SEL1L2: variants seen among roughly 807,000 people sequenced by gnomAD.
SEL1L2 encodes SEL1L2 adaptor subunit of SYVN1 ubiquitin ligase.
A neutral mutation model predicts 98.8 loss-of-function variants in SEL1L2; 89 were observed. The observed-to-expected ratio is 0.90, with a 90% CI of 0.76 to 1.07. The LOEUF is 1.07. Ranked by LOEUF, SEL1L2 falls within the 50% of genes least tolerant of loss-of-function variation. SEL1L2 has a pLI of 0.00. For missense variants in SEL1L2, 788 were observed against 812.0 expected (o/e 0.97, Z 0.36); for synonymous variants, 262 against 278.5 (o/e 0.94, Z 0.59).
intron 2 of SEL1L2, among the ~76,000 whole-genome samples, chr20:13,935,898 G>C (rs2049428933): frequency 6.6e-6 from 1 of 152,100 alleles, no homozygotes; most frequent in South Asian, 2.1e-4. Flanking sequence ...AGGGGGAAAT[G>C]GTGATAGTGG....
chr20:13,945,405 G>A (rs572011051), intron 2 of SEL1L2, among the ~76,000 whole-genome samples: 9 of 151,672 alleles, frequency 5.9e-5, no homozygotes, highest in Non-Finnish European at 1.2e-4. Flanking sequence ...GTGTGTGTAT[G>A]TTTCTCTCTC....
At chr20:13,931,519 A>G (rs1039297931) in intron 3 of SEL1L2, 84 bp downstream of exon 3, 6 of 835,694 alleles carry the variant, frequency 7.2e-6, no homozygotes, top group South Asian at 2.7e-5. Flanking sequence ...ATATCCTAAG[A>G]CTTCTCAGAA....
chr20:13,936,888 C>T (rs1297989233), intron 2 of SEL1L2, among the ~76,000 whole-genome samples: 1 of 152,144 alleles, frequency 6.6e-6, no homozygotes, highest in African/African-American at 2.4e-5. Flanking sequence ...CCAACTCAAA[C>T]CTTCAGTTCT....
intron 2 of SEL1L2, among the ~76,000 whole-genome samples, chr20:13,943,952 TAAGA>T (rs1555891459): frequency 6.6e-6 from 1 of 151,520 alleles, no homozygotes; most frequent in Non-Finnish European, 1.5e-5. Flanking sequence ...AGGAACCAAT[TAAGA>T]GAGAGAGAGA....
At chr20:13,888,633 C>CAAT in intron 5 of SEL1L2, 121 bp from the exon 6 acceptor site, 1 of 232,092 alleles carries the variant, frequency 4.3e-6, no homozygotes, top group Non-Finnish European at 7.3e-6. Flanking sequence ...TTCTTTCTTT[C>CAAT]TCTTTTTTTT....
intron 2 of SEL1L2, among the ~76,000 whole-genome samples, chr20:13,955,017 A>T (rs183016984): frequency 1.1e-3 from 170 of 152,284 alleles, no homozygotes; most frequent in African/African-American, 3.9e-3. Flanking sequence ...AATTTGTATT[A>T]ATATTTCTCA....
chr20:13,994,917 C>T (rs2052605620), upstream of SEL1L2: 1 of 152,228 alleles, frequency 6.6e-6, no homozygotes, highest in African/African-American at 2.4e-5. Context: ...GTAATTTTCA[C>T]TACAGGTTTG....
chr20:13,983,210 A>T (rs2051951657), intron 1 of SEL1L2, among the ~76,000 whole-genome samples: 1 of 151,946 alleles, frequency 6.6e-6, no homozygotes, highest in African/African-American at 2.4e-5. Context: ...ACCAAAAGGG[A>T]AATAACTCAG....
intron 1 of SEL1L2, among the ~76,000 whole-genome samples, chr20:13,983,246 G>A (rs1168578851): frequency 6.6e-6 from 1 of 151,788 alleles, no homozygotes; most frequent in Non-Finnish European, 1.5e-5. Flanking sequence ...TTCCCTAGGC[G>A]AACGTAGAGT....
chr20:13,913,999 C>A, intron 4 of SEL1L2, 55 bp from the exon 5 acceptor site: 1 of 1,452,242 alleles, frequency 6.9e-7, no homozygotes, highest in Non-Finnish European at 9.3e-7. Flanking sequence ...TTTTCTTCTC[C>A]TTCTTCAACA....
intron 12 of SEL1L2, among the ~76,000 whole-genome samples, chr20:13,870,995 C>T (rs2046166284): frequency 6.6e-6 from 1 of 151,038 alleles, no homozygotes; most frequent in African/African-American, 2.4e-5. Flanking sequence ...ACTCTATTGC[C>T]TGATTTAGAC....
chr20:13,859,483 T>TATAGTTCTCAGGA (rs1333767135), intron 17 of SEL1L2, 49 bp from the exon 18 acceptor site: 1 of 1,501,172 alleles, frequency 6.7e-7, no homozygotes, highest in African/African-American at 1.4e-5. Context: ...ATGATTCATG[T>TATAGTTCTCAGGA]ATAGTTCTCA....
chr20:13,911,772 G>A (rs1346792645), intron 5 of SEL1L2, among the ~76,000 whole-genome samples: 1 of 151,944 alleles, frequency 6.6e-6, no homozygotes, highest in East Asian at 1.9e-4. Context: ...GTTCGTTTTT[G>A]TAAAAAAATA....
chr20:13,935,570 G>A (rs6135026), intron 2 of SEL1L2, among the ~76,000 whole-genome samples: 101,438 of 151,932 alleles, frequency 0.67, 34,656 homozygotes, highest in East Asian at 0.78. Flanking sequence ...ACGCAAAGGC[G>A]CTGAAACAGG....
chr20:13,985,155 T>A lies in SEL1L2; in HGVS notation c.58+5322A>T, dbSNP rs190669287. ...TATTCTACTCTCAAAGTCATTTTTCTAAGGCATAATTCTATTCATGTTCTT... is the reference window on the plus strand; with the variant it reads ...TATTCTACTCTCAAAGTCATTTTTCAAAGGCATAATTCTATTCATGTTCTT... On this transcript the variant is annotated intron_variant, in intron 1 of 19. Transcript: ENST00000284951. Among the ~76,000 whole-genome samples, 158 of 152,238 alleles carry A rather than the reference T, an allele frequency of 1.0e-3. No homozygotes were observed. In the Middle Eastern group the frequency reaches 0.024, roughly 23 times the overall value.
At chr20:13,907,682 C>A (rs1568944158) in intron 5 of SEL1L2, among the ~76,000 whole-genome samples, 1 of 150,150 alleles carries the variant, frequency 6.7e-6, no homozygotes, top group Non-Finnish European at 1.5e-5. Context: ...TTCTCTTTTT[C>A]TCTTTCTTTC....
chr20:13,859,486 A>T, intron 17 of SEL1L2, 52 bp from the exon 18 acceptor site: 1 of 1,466,060 alleles, frequency 6.8e-7, no homozygotes, highest in South Asian at 1.2e-5. Context: ...ATTCATGTAT[A>T]GTTCTCAGGA....
intron 1 of SEL1L2, among the ~76,000 whole-genome samples, chr20:13,957,164 C>T (rs1315513693): frequency 6.6e-6 from 1 of 151,720 alleles, no homozygotes; most frequent in African/African-American, 2.4e-5. Flanking sequence ...TGTAGTGGCA[C>T]GATATTGGCT....
intron 4 of SEL1L2, among the ~76,000 whole-genome samples, chr20:13,914,550 G>A (rs1046331726): frequency 2.6e-5 from 4 of 152,058 alleles, no homozygotes; most frequent in Admixed American, 6.6e-5. Context: ...TCAAATCCTG[G>A]TCCCACCACT....
Sources: allele counts gnomAD v4.1 joint callset (sites outside exome capture counted in the v4.1 genomes callset), GRCh38; gene constraint gnomAD v4.1.1; transcripts MANE v1.5; gene names NCBI Gene and HGNC (gene_info 2026-07-23, HGNC 2026-07-21).